The following CCDC6 variants were observed in gnomAD, a reference collection of about 807,000 sequenced individuals.
CCDC6 encodes coiled-coil domain containing 6.
Under a neutral mutation model 56.6 loss-of-function variants are expected in CCDC6, and 20 were observed. The observed-to-expected ratio is 0.35, with a 90% CI of 0.25 to 0.51. The LOEUF (loss-of-function observed/expected upper bound fraction) is 0.51, where lower values mean the gene tolerates loss of function less well. CCDC6 is among the 20% of genes least tolerant of loss of function. CCDC6 has a pLI of 0.95. For synonymous variants in CCDC6, 241 were observed against 234.4 expected, an observed-to-expected ratio of 1.03 and a Z score of -0.26; for missense variants, 367 against 601.1, an observed-to-expected ratio of 0.61 and a Z score of 4.07.
At chr10:59,798,235 G>C (rs2070541394) in intron 7 of CCDC6, among the ~76,000 whole-genome samples, 1 of 152,210 alleles carries the variant, frequency 6.6e-6, no homozygotes. Context: ...CATACTATCA[G>C]CTATTAGAGG....
intron 5 of CCDC6, 118 bp downstream of exon 5, chr10:59,812,517 G>GT: frequency 1.5e-6 from 1 of 677,360 alleles, no homozygotes; most frequent in South Asian, 3.6e-5. Context: ...ACATGCATCA[G>GT]TAATATATGA....
intron 2 of CCDC6, among the ~76,000 whole-genome samples, chr10:59,842,602 A>C (rs538867177): frequency 1.7e-4 from 26 of 152,052 alleles, no homozygotes; most frequent in Non-Finnish European, 2.9e-4. Flanking sequence ...TCATTTACTT[A>C]TATTTTGTGT....
rs576801327 is a variant in CCDC6, at chr10:59,827,109, G to T, written c.582+5416C>A. Among the ~76,000 whole-genome samples, 12 of 152,308 alleles carry T rather than the reference G, an allele frequency of 7.9e-5. No homozygotes were observed. The East Asian group carries it at 2.3e-3, about 29-fold the overall frequency. On this transcript the variant is annotated intron_variant, in intron 3 of 8. Coordinates refer to ENST00000263102, the MANE Select transcript of CCDC6 (RefSeq NM_005436.5). ...AGGGACGCTAGTAAGGCTTGAGCAG[G>T]GATAGGATAGAGGAGGGAGAAAGTG... is the stretch of plus-strand genomic sequence containing the variant.
chr10:59,861,432 CAAAAAA>C (rs55716341), intron 1 of CCDC6, among the ~76,000 whole-genome samples: 7 of 88,970 alleles, frequency 7.9e-5, no homozygotes, highest in African/African-American at 1.6e-4. Flanking sequence ...CAAAAATTAC[CAAAAAA>C]AAAAAAAAAA....
rs945403261 is a variant in CCDC6, at chr10:59,796,725, T to G, written c.1106-2128A>C. 5.3e-5 allele frequency among the ~76,000 whole-genome samples: 8 copies of G among 152,220 alleles called. No individual in the cohort carries two copies. The East Asian group carries it at 1.4e-3, about 26-fold the overall frequency. On this transcript the variant is annotated intron_variant, in intron 7 of 8. Transcript: ENST00000263102. ...GCTCACGCCTGTAATCCCAGCACTT[T>G]GGGAGGCTGAGGCAGGCAGGTCACA...
At chr10:59,873,487 C>CT (rs2071250197) in intron 1 of CCDC6, among the ~76,000 whole-genome samples, 2 of 152,132 alleles carry the variant, frequency 1.3e-5, no homozygotes, top group Non-Finnish European at 2.9e-5. Flanking sequence ...CAAGGGAGAA[C>CT]AACCCTTACC....
Position 59,844,588 on chromosome 10 carries a change from TA to T in CCDC6, c.453+7964del, listed in dbSNP as rs74766839. On this transcript the variant is annotated intron_variant, in intron 2 of 8. Coordinates refer to ENST00000263102, the MANE Select transcript of CCDC6 (RefSeq NM_005436.5). ...AACATGGTAAAACCCTGTCTCTACT[TA>T]AAAAAAAAAAAAAATACAAAAATTA... is the stretch of plus-strand genomic sequence containing the variant. Among the ~76,000 whole-genome samples, 758 of 137,664 alleles carry T rather than the reference TA, an allele frequency of 5.5e-3. 1 individual carries two copies. Among genetic ancestry groups the T allele is most frequent in the South Asian group, 0.012 (51 of 4,298 alleles). The allele number at this position is 137,664 out of a possible 152,430, so 90.3% of individuals were successfully genotyped here.
At chr10:59,824,902 G>A (rs892593355) in intron 3 of CCDC6, among the ~76,000 whole-genome samples, 23 of 152,130 alleles carry the variant, frequency 1.5e-4, no homozygotes, top group Non-Finnish European at 2.9e-4. Flanking sequence ...AAACTACAAA[G>A]TATGCATGGT....
chr10:59,868,272 A>G (rs143153239), intron 1 of CCDC6, among the ~76,000 whole-genome samples: 5 of 152,268 alleles, frequency 3.3e-5, no homozygotes, highest in African/African-American at 1.2e-4. Context: ...GCCAGGTAGA[A>G]GTTATTAAGG....
intron 1 of CCDC6, among the ~76,000 whole-genome samples, chr10:59,876,386 A>C (rs1393121253): frequency 1.1e-4 from 17 of 151,860 alleles, no homozygotes; most frequent in Non-Finnish European, 1.8e-4. Context: ...GATGCATTAC[A>C]TGCCCAGCTG....
In CCDC6 at chr10:59,826,097, C is replaced by T. The variant is rs182729209; in HGVS notation, c.582+6428G>A. On this transcript the variant is annotated intron_variant, in intron 3 of 8. Transcript: ENST00000263102. ...AGATAATCACTGAACATGGTTAGCA[C>T]TGAGGCTTGCACAAGCCCTGGTAGA... Among the ~76,000 whole-genome samples the T allele has an allele frequency of 4.6e-5, 7 of 152,236 alleles. No homozygotes were observed. The East Asian group carries it at 1.4e-3, about 29-fold the overall frequency.
At chr10:59,819,747 T>TA (rs1463941110) in intron 3 of CCDC6, among the ~76,000 whole-genome samples, 3 of 152,118 alleles carry the variant, frequency 2.0e-5, no homozygotes, top group Admixed American at 6.5e-5. Flanking sequence ...ATCACTTTTT[T>TA]AAAAAAATTG....
Position 59,788,921 on chromosome 10 carries a change from C to A in CCDC6, c.*3996G>T, listed in dbSNP as rs2070442720. The A allele has an allele frequency of 4.7e-6, 1 of 212,822 alleles. No homozygotes were observed. The highest frequency in any genetic ancestry group is 9.5e-6 in the Non-Finnish European group (1 of 105,176). The allele number at this position is 212,822 out of a possible 1,614,324, so 13.2% of individuals were successfully genotyped here. On this transcript the variant is annotated 3_prime_UTR_variant, in exon 9 of 9. Coordinates refer to ENST00000263102, the MANE Select transcript of CCDC6 (RefSeq NM_005436.5). ...ATTGCCACTATTACCAGAACTCCAA[C>A]CTAGTCAAGTTGTAGACAAGCTATC...
intron 7 of CCDC6, among the ~76,000 whole-genome samples, chr10:59,797,956 T>C (rs1015038994): frequency 6.6e-6 from 1 of 152,150 alleles, no homozygotes; most frequent in Non-Finnish European, 1.5e-5. Flanking sequence ...GGTCCATATT[T>C]TGAGAACATC....
Position 59,788,976 on chromosome 10 carries a change from C to T in CCDC6, c.*3941G>A, listed in dbSNP as rs2070443257. 1 of 218,140 alleles carries T rather than the reference C, an allele frequency of 4.6e-6. No homozygotes were observed. The highest frequency in any genetic ancestry group is 1.9e-4 in the South Asian group (1 of 5,398). The allele number at this position is 218,140 out of a possible 1,614,324, so 13.5% of individuals were successfully genotyped here. On this transcript the variant is annotated 3_prime_UTR_variant, in exon 9 of 9. Coordinates refer to ENST00000263102, the MANE Select transcript of CCDC6 (RefSeq NM_005436.5). ...ACAACATACAGTGTGCACAGATATG[C>T]AGAGGCAAAAGGCATGCTAGCGCTT...
chr10:59,834,413 G>A (rs958784237), intron 2 of CCDC6, among the ~76,000 whole-genome samples: 4 of 151,748 alleles, frequency 2.6e-5, no homozygotes, highest in Admixed American at 6.6e-5. Flanking sequence ...AAATAAGCCC[G>A]GTGTGGTGGC....
chr10:59,818,774 C>G (rs770571040), intron 3 of CCDC6, among the ~76,000 whole-genome samples: 1 of 151,788 alleles, frequency 6.6e-6, no homozygotes, highest in South Asian at 2.1e-4. Flanking sequence ...GGAATAAGCA[C>G]GTTAGAAAAT....
chr10:59,904,593 C>G (rs1346396468), intron 1 of CCDC6, among the ~76,000 whole-genome samples: 1 of 152,228 alleles, frequency 6.6e-6, no homozygotes, highest in Non-Finnish European at 1.5e-5. Context: ...TCTCTGTCAG[C>G]GAAGAAAGCT....
At chr10:59,840,673 CCAAA>C (rs2070930439) in intron 2 of CCDC6, among the ~76,000 whole-genome samples, 1 of 152,196 alleles carries the variant, frequency 6.6e-6, no homozygotes, top group Non-Finnish European at 1.5e-5. Flanking sequence ...CCTTCTTACT[CCAAA>C]CATACTCCAC....
Sources: allele counts gnomAD v4.1 joint callset (sites outside exome capture counted in the v4.1 genomes callset), GRCh38; gene constraint gnomAD v4.1.1; transcripts MANE v1.5; gene names NCBI Gene and HGNC (gene_info 2026-07-23, HGNC 2026-07-21).